ERBB4: variants seen among roughly 807,000 people sequenced by gnomAD.
ERBB4 encodes erb-b2 receptor tyrosine kinase 4.
A neutral mutation model predicts 158.0 loss-of-function variants in ERBB4; 42 were observed. The observed-to-expected ratio is 0.27, with a 90% CI of 0.21 to 0.34. ERBB4 has a LOEUF of 0.34. ERBB4 is among the 10% of genes least tolerant of loss of function. The probability of loss-of-function intolerance (pLI) is 1.00; values close to 1 mark genes in which losing one functional copy is unlikely to be tolerated. For synonymous variants in ERBB4, 583 were observed against 558.7 expected (o/e 1.04, Z -0.61); for missense variants, 1,333 against 1,624.1 (o/e 0.82, Z 3.08).
Position 211,573,707 on chromosome 2 carries a change from TA to T in ERBB4, c.2302-11620del, listed in dbSNP as rs1040337342. Among the ~76,000 whole-genome samples the T allele has an allele frequency of 0.013, 63 of 4,968 alleles. No individual in the cohort carries two copies. In the East Asian group the frequency reaches 0.23, roughly 18 times the overall value. The allele number at this position is 4,968 out of a possible 152,430, so 3.3% of individuals were successfully genotyped here. A position where few individuals can be genotyped will look rare whatever the true frequency, so the allele number is the denominator to read the frequency against. On this transcript the variant is annotated intron_variant, in intron 19 of 27. Coordinates refer to ENST00000342788, the MANE Select transcript of ERBB4 (RefSeq NM_005235.3). ...AAATAAATAAAATAATAGAAAATAT[TA>T]AAAAAAAATGTTTCAGAAGCTACAG...
chr2:211,613,163 A>G (rs1349631528), intron 19 of ERBB4, among the ~76,000 whole-genome samples: 1 of 152,072 alleles, frequency 6.6e-6, no homozygotes, highest in Admixed American at 6.6e-5. Context: ...GGAAAAATTT[A>G]TAGATTGAAA....
At chr2:212,432,523 T>A (rs781133100) in intron 1 of ERBB4, among the ~76,000 whole-genome samples, 8 of 152,130 alleles carry the variant, frequency 5.3e-5, no homozygotes, top group Non-Finnish European at 1.2e-4. Context: ...TTCTGCTAAG[T>A]GTTAAGTAAC....
At chr2:212,193,182 T>C (rs2082325146) in intron 1 of ERBB4, among the ~76,000 whole-genome samples, 1 of 152,122 alleles carries the variant, frequency 6.6e-6, no homozygotes, top group African/African-American at 2.4e-5. Flanking sequence ...TATTTATAAC[T>C]CCAGGGTGCT....
chr2:212,044,085 C>G (rs1286252232), intron 2 of ERBB4, among the ~76,000 whole-genome samples: 1 of 152,010 alleles, frequency 6.6e-6, no homozygotes, highest in East Asian at 1.9e-4. Flanking sequence ...ATTCTGAGTG[C>G]TTTATGTGCA....
intron 3 of ERBB4, among the ~76,000 whole-genome samples, chr2:211,843,355 T>C (rs1368402754): frequency 6.6e-6 from 1 of 152,082 alleles, no homozygotes; most frequent in Non-Finnish European, 1.5e-5. Flanking sequence ...AGAGCTTTGC[T>C]TTTTTAGCTG....
intron 20 of ERBB4, among the ~76,000 whole-genome samples, chr2:211,466,223 A>G (rs2064683333): frequency 6.6e-6 from 1 of 151,936 alleles, no homozygotes; most frequent in Non-Finnish European, 1.5e-5. Flanking sequence ...ATTGTTGTTT[A>G]GCGTAATAGC....
At chr2:212,429,913 T>C (rs1186212761) in intron 1 of ERBB4, among the ~76,000 whole-genome samples, 2 of 152,210 alleles carry the variant, frequency 1.3e-5, no homozygotes, top group African/African-American at 4.8e-5. Flanking sequence ...TTAATTAATA[T>C]CTGTTATAGT....
intron 3 of ERBB4, among the ~76,000 whole-genome samples, chr2:211,930,600 C>G (rs932375988): frequency 1.3e-5 from 2 of 152,188 alleles, no homozygotes; most frequent in East Asian, 3.9e-4. Flanking sequence ...CTGACAGAGA[C>G]CCAGCCGTGT....
At chr2:212,324,788 G>A (rs1269427194) in intron 1 of ERBB4, among the ~76,000 whole-genome samples, 1 of 150,436 alleles carries the variant, frequency 6.6e-6, no homozygotes, top group African/African-American at 2.4e-5. Context: ...GGAAGAGGGG[G>A]AAATACTACA....
chr2:211,748,359 C>T (rs1012688447), intron 5 of ERBB4, among the ~76,000 whole-genome samples: 2 of 152,092 alleles, frequency 1.3e-5, no homozygotes, highest in African/African-American at 4.8e-5. Flanking sequence ...CCTTTTTCTT[C>T]CCACCTGTTT....
intron 3 of ERBB4, among the ~76,000 whole-genome samples, chr2:211,902,023 GT>G (rs202143857): frequency 6.1e-5 from 9 of 148,222 alleles, no homozygotes; most frequent in African/African-American, 9.9e-5. Context: ...TCACAAAATA[GT>G]TTTTTTTTTA....
chr2:212,074,033 C>G (rs969660832), intron 2 of ERBB4, among the ~76,000 whole-genome samples: 1 of 151,940 alleles, frequency 6.6e-6, no homozygotes, highest in Admixed American at 6.6e-5. Flanking sequence ...CTGATCCAGC[C>G]AAGAAAGCAC....
At chr2:211,605,789 AT>A in intron 19 of ERBB4, among the ~76,000 whole-genome samples, 1 of 152,210 alleles carries the variant, frequency 6.6e-6, no homozygotes, top group African/African-American at 2.4e-5. Flanking sequence ...AACAAGAATC[AT>A]TTTTTTAACA....
At chr2:212,098,532 T>C (rs1375877939) in intron 2 of ERBB4, among the ~76,000 whole-genome samples, 1 of 152,124 alleles carries the variant, frequency 6.6e-6, no homozygotes, top group Non-Finnish European at 1.5e-5. Flanking sequence ...ACCCCCACTT[T>C]GATGAGAGTG....
intron 2 of ERBB4, among the ~76,000 whole-genome samples, chr2:212,009,814 T>G (rs1331980297): frequency 6.6e-6 from 1 of 152,144 alleles, no homozygotes; most frequent in African/African-American, 2.4e-5. Context: ...TTTGACAACC[T>G]GTTGCTTCTA....
At chr2:211,899,194 A>G (rs922778614) in intron 3 of ERBB4, among the ~76,000 whole-genome samples, 12 of 152,124 alleles carry the variant, frequency 7.9e-5, no homozygotes, top group Non-Finnish European at 1.5e-4. Context: ...GTTTTATCTA[A>G]TTTATAGGAA....
intron 20 of ERBB4, among the ~76,000 whole-genome samples, chr2:211,518,594 C>T (rs1276136810): frequency 2.6e-5 from 4 of 151,710 alleles, no homozygotes; most frequent in South Asian, 2.1e-4. Context: ...GCGGAGGTTG[C>T]GGTGAGCTGA....
At chr2:212,140,132 A>G (rs2080403890) in intron 1 of ERBB4, among the ~76,000 whole-genome samples, 1 of 151,644 alleles carries the variant, frequency 6.6e-6, no homozygotes, top group Admixed American at 6.6e-5. Context: ...TTTGAGAAAC[A>G]AGATCCATGC....
rs2062501603 is a variant in ERBB4 at position 211,377,809 on chromosome 2, C to G, written c.*5806G>C. The G allele has an allele frequency of 4.3e-6, 1 of 232,528 alleles. No homozygotes were observed. The highest frequency in any genetic ancestry group is 2.2e-5 in the African/African-American group (1 of 45,286). 14.4% of individuals were successfully genotyped at this position (232,528 alleles called of 1,614,324 possible). ...AGTGTATGTGGACATATGTGAGTTTCAAGATTCATCACAGGGCTAACTCGT... is the reference window on the plus strand; with the variant it reads ...AGTGTATGTGGACATATGTGAGTTTGAAGATTCATCACAGGGCTAACTCGT... On this transcript the variant is annotated 3_prime_UTR_variant, in exon 28 of 28. Coordinates refer to ENST00000342788, the MANE Select transcript of ERBB4 (RefSeq NM_005235.3).
Sources: allele counts gnomAD v4.1 joint callset (sites outside exome capture counted in the v4.1 genomes callset), GRCh38; gene constraint gnomAD v4.1.1; transcripts MANE v1.5; gene names NCBI Gene and HGNC (gene_info 2026-07-23, HGNC 2026-07-21).